Variants in CPNE2 observed in about 807,000 individuals in gnomAD.
The protein encoded by CPNE2 is copine-2.
Under a neutral mutation model 69.7 loss-of-function variants are expected in CPNE2, and 42 were observed. The ratio of observed to expected loss-of-function variants is 0.60; its 90% CI spans 0.47 to 0.78. The LOEUF (loss-of-function observed/expected upper bound fraction) is 0.78, where lower values mean the gene tolerates loss of function less well. Among genes scored for constraint, CPNE2 ranks in the 30% least tolerant of loss-of-function variants. The probability of loss-of-function intolerance (pLI) is 0.00; values close to 1 mark genes in which losing one functional copy is unlikely to be tolerated. For missense variants in CPNE2, 587 were observed against 732.0 expected, an observed-to-expected ratio of 0.80 and a Z score of 2.29; for synonymous variants, 294 against 289.8, an observed-to-expected ratio of 1.01 and a Z score of -0.15.
At chr16:57,112,486 C>A (rs1430475158) in intron 2 of CPNE2, among the ~76,000 whole-genome samples, 1 of 152,088 alleles carries the variant, frequency 6.6e-6, no homozygotes, top group Admixed American at 6.5e-5. Flanking sequence ...AGGGCCAAGA[C>A]CTCCTCCGTC....
At chr16:57,137,743 A>C (rs1242812783) in intron 14 of CPNE2, among the ~76,000 whole-genome samples, 1 of 152,210 alleles carries the variant, frequency 6.6e-6, no homozygotes, top group Non-Finnish European at 1.5e-5. Context: ...AGGCTGCCAA[A>C]GTAGCTGCGT....
intron 1 of CPNE2, among the ~76,000 whole-genome samples, chr16:57,093,205 T>C (rs1353806635): frequency 2.0e-5 from 3 of 151,866 alleles, no homozygotes; most frequent in African/African-American, 7.2e-5. Context: ...TCCGCTCCCC[T>C]CTGCCCTCCT....
chr16:57,110,521 T>A (rs1235065204), intron 1 of CPNE2, 187 bp from the exon 2 acceptor site: 1 of 372,426 alleles, frequency 2.7e-6, no homozygotes, highest in Non-Finnish European at 4.9e-6. Flanking sequence ...CAGCTGAGAC[T>A]CCCTTTTCAT....
intron 1 of CPNE2, among the ~76,000 whole-genome samples, chr16:57,107,839 C>T (rs1352141601): frequency 1.3e-5 from 2 of 151,680 alleles, no homozygotes; most frequent in Non-Finnish European, 2.9e-5. Context: ...GGACTGTGAG[C>T]CCTGCACGGG....
At chr16:57,123,315 CCT>C in intron 9 of CPNE2, 97 bp from the exon 10 acceptor site, 2 of 1,273,270 alleles carry the variant, frequency 1.6e-6, no homozygotes, top group Non-Finnish European at 2.3e-6. Flanking sequence ...TTTTTGACCT[CCT>C]TGTCCCTACT....
chr16:57,121,690 T>A lies in CPNE2; in HGVS notation c.797T>A (p.Ile266Asn). The change falls in exon 9 of 16, where the codon ATC becomes AAC. Residue 266 changes from isoleucine to asparagine, a missense_variant. Transcript: ENST00000290776. ...RDSVPLEFEC[I>N]NPKKQRKKKN... ...GTTGCCCAGCTGGAGTTCGAGTGCA[T>A]CAACCCCAAGAAGCAGAGGAAGAAG... The A allele has an allele frequency of 6.2e-7, 1 of 1,613,982 alleles. No individual in the cohort carries two copies.
intron 4 of CPNE2, 25 bp downstream of exon 4, chr16:57,115,575 G>T (rs750108302): frequency 1.3e-5 from 21 of 1,557,786 alleles, no homozygotes; most frequent in Non-Finnish European, 1.7e-5. Context: ...CCGGCTCTCC[G>T]CACCCCCTCC....
intron 1 of CPNE2, among the ~76,000 whole-genome samples, chr16:57,106,788 A>G (rs1415010234): frequency 6.6e-6 from 1 of 151,826 alleles, no homozygotes; most frequent in Non-Finnish European, 1.5e-5. Context: ...GAACTTGGAT[A>G]CTCTGGGGCC....
chr16:57,144,008 T>C (rs1204566500), intron 14 of CPNE2: 4 of 152,492 alleles, frequency 2.6e-5, no homozygotes, highest in African/African-American at 9.6e-5. Flanking sequence ...TCTGCTTAGG[T>C]GTCCCAGAAA....
chr16:57,107,932 G>A (rs1036797552), intron 1 of CPNE2, among the ~76,000 whole-genome samples: 5 of 148,380 alleles, frequency 3.4e-5, no homozygotes, highest in South Asian at 2.1e-4. Flanking sequence ...GTGCAGTGGC[G>A]CGATCTCAGC....
At chr16:57,100,886 T>C (rs2069609011) in intron 1 of CPNE2, among the ~76,000 whole-genome samples, 2 of 152,178 alleles carry the variant, frequency 1.3e-5, no homozygotes, top group Non-Finnish European at 1.5e-5. Flanking sequence ...AACACCCTGT[T>C]TTCCTGCCCC....
chr16:57,117,608 C>A (rs1404620040), intron 5 of CPNE2, 41 bp downstream of exon 5: 4 of 1,599,302 alleles, frequency 2.5e-6, no homozygotes, highest in Non-Finnish European at 3.4e-6. Context: ...GGAACAGTAG[C>A]CCCCACCAGC....
At chr16:57,110,687 C>A in intron 1 of CPNE2, 21 bp from the exon 2 acceptor site, 1 of 1,452,394 alleles carries the variant, frequency 6.9e-7, no homozygotes, top group Non-Finnish European at 9.2e-7. Context: ...CACTCTCTGA[C>A]CCTCACTTCT....
In CPNE2 at chr16:57,119,358, C is replaced by T. The variant is rs1158332459; in HGVS notation, c.591+80C>T. 8 of 1,423,304 alleles carry T rather than the reference C, an allele frequency of 5.6e-6. No individual in the cohort carries two copies. The African/African-American group carries it at 8.5e-5, about 15-fold the overall frequency. 88.2% of individuals were successfully genotyped at this position (1,423,304 alleles called of 1,614,324 possible). A position where few individuals can be genotyped will look rare whatever the true frequency, so the allele number is the denominator to read the frequency against. On this transcript the variant is annotated intron_variant, in intron 6 of 15. Coordinates refer to ENST00000290776, the MANE Select transcript of CPNE2 (RefSeq NM_152727.6). The stretch of plus-strand genomic sequence containing the variant: ...TCCACAGCTCTGAAAAAGGGAGGTG[C>T]GGTCACAGCCGCTCAGTGTGCAGGA...
At chr16:57,137,324 A>C in intron 14 of CPNE2, 42 bp downstream of exon 14, 1 of 1,610,130 alleles carries the variant, frequency 6.2e-7, no homozygotes, top group Non-Finnish European at 8.5e-7. Flanking sequence ...GGAAACACGC[A>C]CGTCCTCTGG....
rs745727620 is a variant in CPNE2, at chr16:57,137,171, G to T, written c.1191G>T (p.Ala397=). ...FCSGVDGIAQ[A]YSACLPHIRF... ...CAGGTGTGGATGGTATTGCCCAGGC[G>T]TACTCAGCTTGCCTGCCCCACATCC... is the stretch of plus-strand genomic sequence containing the variant. The change falls in exon 14 of 16, where the codon GCG becomes GCT. Residue 397 remains alanine (A), a synonymous_variant. Transcript: ENST00000290776. 6.2e-7 allele frequency: 1 copy of T among 1,614,170 alleles called. No homozygotes were observed. Among genetic ancestry groups the T allele is most frequent in the East Asian group, 2.2e-5 (1 of 44,882 alleles).
chr16:57,146,329 T>C lies in CPNE2; in HGVS notation c.1539+8T>C. 6.5e-7 allele frequency: 1 copy of C among 1,542,486 alleles called. No individual in the cohort carries two copies. The highest frequency in any genetic ancestry group is 8.8e-7 in the Non-Finnish European group (1 of 1,140,068). On this transcript the variant is annotated splice_region_variant and intron_variant, in intron 15 of 15. Coordinates refer to ENST00000290776, the MANE Select transcript of CPNE2 (RefSeq NM_152727.6). The surrounding 1 kb of genome is among the most constrained non-coding windows in gnomAD (Gnocchi z 4.4). Reference sequence around the variant, plus strand: ...TTTCGAGAGTTCCGCAACGTGAGTGTGGGCCTGGGCTGGGAGGGGGCGGTT... The same window carrying C: ...TTTCGAGAGTTCCGCAACGTGAGTGCGGGCCTGGGCTGGGAGGGGGCGGTT...
intron 1 of CPNE2, among the ~76,000 whole-genome samples, chr16:57,101,399 C>G (rs1459339946): frequency 6.6e-6 from 1 of 152,296 alleles, no homozygotes; most frequent in South Asian, 2.1e-4. Flanking sequence ...TTCCAACCCC[C>G]CAAAAGTTCA....
In CPNE2 at chr16:57,113,293, C is replaced by A; in HGVS notation, c.186C>A (p.Asp62Glu). 1 of 1,613,690 alleles carries A rather than the reference C, an allele frequency of 6.2e-7. No individual in the cohort carries two copies. ...TENNGRWIEYDRTETAINNLN... is the reference protein window; with the variant it reads ...TENNGRWIEYERTETAINNLN... ...TTTTCCTGCCCCTCTGCTAGTACGA[C>A]AGGACAGAAACCGCGATCAACAACC... Residue 62 changes from aspartate (D) to glutamate (E), a missense_variant, in exon 3 of 16, where the codon GAC becomes GAA. Physicochemically the swap from Asp to Glu is conservative, Grantham distance 45 (BLOSUM62 2). Transcript: ENST00000290776.
Sources: gnomAD v4.1 joint callset for allele counts (sites outside exome capture counted in the v4.1 genomes callset) on GRCh38, gnomAD v4.1.1 for gene constraint, Gnocchi (gnomAD v3.1) non-coding constraint, MANE v1.5 for transcripts, NCBI Gene and HGNC (gene_info 2026-07-23, HGNC 2026-07-21) for gene names.